The following CCND3 variants were observed in gnomAD, a reference collection of about 807,000 sequenced individuals.
CCND3 encodes cyclin D3, also known as G1/S-specific cyclin-D3.
CCND3 carries 9 observed loss-of-function variants against 28.7 expected under a neutral mutation model. The observed-to-expected ratio is 0.31, with a 90% CI of 0.19 to 0.55. The LOEUF (loss-of-function observed/expected upper bound fraction) is 0.55. Ranked by LOEUF, CCND3 falls within the 20% of genes least tolerant of loss-of-function variation. The probability of loss-of-function intolerance (pLI) is 0.93; values close to 1 mark genes in which losing one functional copy is unlikely to be tolerated. For synonymous variants in CCND3, 164 were observed against 163.9 expected, an observed-to-expected ratio of 1.00 and a Z score of 0.00; for missense variants, 315 against 385.8, an observed-to-expected ratio of 0.82 and a Z score of 1.54.
Position 41,936,124 on chromosome 6 carries a change from A to C in CCND3, c.712-17T>G. 1 of 1,557,336 alleles carries C rather than the reference A, an allele frequency of 6.4e-7. No homozygotes were observed. The stretch of plus-strand genomic sequence containing the variant: ...CAGGCAGTCCTGGGAACATGGGAGA[A>C]GAGTGAGGAGCAAACACTCCCCCCA... On this transcript the variant is annotated splice_polypyrimidine_tract_variant and intron_variant, in intron 4 of 4. Transcript: ENST00000372991. This position sits in a 1 kb window ranked among gnomAD's most constrained non-coding sequence, Gnocchi z 4.4.
chr6:41,990,978 C>T (rs923504973), intron 1 of CCND3, among the ~76,000 whole-genome samples: 1 of 151,674 alleles, frequency 6.6e-6, no homozygotes, highest in Non-Finnish European at 1.5e-5. Context: ...ACTGCCCCGG[C>T]TTAGCCAACT....
At chr6:41,979,533 CAA>C (rs767526428) in intron 1 of CCND3, among the ~76,000 whole-genome samples, 3,365 of 96,922 alleles carry the variant, frequency 0.035, 118 homozygotes, top group African/African-American at 0.12. Context: ...GACTCCACTT[CAA>C]AAAAAAAAAA....
rs2127394789 is a variant in CCND3, at chr6:41,941,276, C to T, written c.198+176G>A. On this transcript the variant is annotated intron_variant, in intron 1 of 4. Coordinates refer to ENST00000372991, the MANE Select transcript of CCND3 (RefSeq NM_001760.5). This position sits in a 1 kb window ranked among gnomAD's most constrained non-coding sequence, Gnocchi z 6.1. ...CACTGTCGGGAGGAGCCGATTAGGG[C>T]TCGGGAAAGCAAGGGAGGCAGCTGG... is the stretch of plus-strand genomic sequence containing the variant. The T allele has an allele frequency of 1.4e-6, 2 of 1,440,198 alleles. No homozygotes were observed. Among genetic ancestry groups the T allele is most frequent in the Non-Finnish European group, 1.8e-6 (2 of 1,100,398 alleles). 89.2% of individuals were successfully genotyped at this position (1,440,198 alleles called of 1,614,324 possible). A position where few individuals can be genotyped will look rare whatever the true frequency, so the allele number is the denominator to read the frequency against.
intron 1 of CCND3, among the ~76,000 whole-genome samples, chr6:41,987,513 CTCTCTGTGTGTGTGTG>C (rs1215403978): frequency 1.7e-4 from 7 of 41,872 alleles, no homozygotes; most frequent in Non-Finnish European, 2.3e-4. Flanking sequence ...CTCTCTCTCT[CTCTCTGTGTGTGTGTG>C]TGTGTGTGTG....
chr6:42,017,477 C>CA (rs1763557506), intron 1 of CCND3, among the ~76,000 whole-genome samples: 1 of 152,220 alleles, frequency 6.6e-6, no homozygotes, highest in African/African-American at 2.4e-5. Context: ...AGATCCACTG[C>CA]AAAAATGTCT....
chr6:42,034,996 C>T (rs980807605), intron 1 of CCND3, among the ~76,000 whole-genome samples: 12 of 152,270 alleles, frequency 7.9e-5, no homozygotes, highest in African/African-American at 2.9e-4. Context: ...GACACCTTTC[C>T]CTATTCTTCA....
intron 1 of CCND3, among the ~76,000 whole-genome samples, chr6:41,966,141 G>A (rs1761880952): frequency 6.6e-6 from 1 of 152,154 alleles, no homozygotes; most frequent in Non-Finnish European, 1.5e-5. Context: ...TACCTAAGAT[G>A]TCCAGTTTAT....
At position 41,936,018 on chromosome 6, in the gene CCND3, G is replaced by A. The variant is rs1237153958; in HGVS notation, c.801C>T (p.Pro267=). The change falls in exon 5 of 5, where the codon CCC becomes CCT. Residue 267 remains proline, a synonymous_variant. Coordinates refer to ENST00000372991, the MANE Select transcript of CCND3 (RefSeq NM_001760.5). The surrounding 1 kb of genome is among the most constrained non-coding windows in gnomAD (Gnocchi z 4.4). The part of the protein sequence containing the change: ...EASQTSSSPA[P]KAPRGSSSQG... ...GGCTGCTGGAGCCCCGGGGGGCTTT[G>A]GGCGCTGGGCTGGAGCTGGTCTGAG... 6.2e-7 allele frequency: 1 copy of A among 1,613,290 alleles called. No homozygotes were observed. Among genetic ancestry groups the A allele is most frequent in the African/African-American group, 1.3e-5 (1 of 74,906 alleles).
intron 1 of CCND3, among the ~76,000 whole-genome samples, chr6:41,972,497 C>G (rs987564313): frequency 7.2e-5 from 11 of 152,074 alleles, no homozygotes; most frequent in Admixed American, 7.2e-4. Context: ...CATCAAGCCC[C>G]GGTTATGTGA....
chr6:42,004,797 A>C, intron 1 of CCND3, among the ~76,000 whole-genome samples: 1 of 152,184 alleles, frequency 6.6e-6, no homozygotes, highest in Non-Finnish European at 1.5e-5. Flanking sequence ...TTTAAAGTGA[A>C]AGGGAGTACC....
Position 42,048,791 on chromosome 6 carries a change from C to A in CCND3, c.-336G>T. 2.3e-6 allele frequency: 1 copy of A among 435,322 alleles called. No homozygotes were observed. The highest frequency in any genetic ancestry group is 4.5e-6 in the Non-Finnish European group (1 of 219,816). The allele number at this position is 435,322 out of a possible 1,614,324, so 27.0% of individuals were successfully genotyped here. ...GTGCTCTGCTCAGCCAAGTTTCGGTCCCCGGCCTGACTCTCCCACCCCCTG... is the reference window on the plus strand; with the variant it reads ...GTGCTCTGCTCAGCCAAGTTTCGGTACCCGGCCTGACTCTCCCACCCCCTG... On this transcript the variant is annotated 5_prime_UTR_variant, in exon 1 of 5. Transcript: ENST00000372988. This position sits in a 1 kb window ranked among gnomAD's most constrained non-coding sequence, Gnocchi z 4.7.
intron 1 of CCND3, among the ~76,000 whole-genome samples, chr6:42,018,098 G>A (rs1030816420): frequency 3.3e-5 from 5 of 151,828 alleles, no homozygotes; most frequent in East Asian, 2.0e-4. Flanking sequence ...GCAGTGAGCC[G>A]AGATCGCACC....
intron 1 of CCND3, among the ~76,000 whole-genome samples, chr6:41,988,525 T>C (rs2127415150): frequency 6.6e-6 from 1 of 152,136 alleles, no homozygotes; most frequent in African/African-American, 2.4e-5. Context: ...CCTTTTTTTC[T>C]AAATGTATTC....
rs150526537 is a variant in CCND3, at chr6:41,941,587, C to A, written c.63G>T (p.Leu21=). The change falls in exon 1 of 5, where the codon CTG becomes CTT. Residue 21 remains leucine, a synonymous_variant. Coordinates refer to ENST00000372991, the MANE Select transcript of CCND3 (RefSeq NM_001760.5). This position sits in a 1 kb window ranked among gnomAD's most constrained non-coding sequence, Gnocchi z 6.1. ...TCTGCAGGACACGCTGGTCCCCCAG[C>A]AGCCGCGGGTCCGGCCCGGCCCGGG... ...HAPRAGPDPR[L]LGDQRVLQSL... is the part of the protein sequence containing the mutation. 1,782 of 1,551,718 alleles carry A rather than the reference C, an allele frequency of 1.1e-3. 2 individuals are homozygous for A. The highest frequency in any genetic ancestry group is 7.4e-3 in the Middle Eastern group (32 of 4,334).
intron 1 of CCND3, among the ~76,000 whole-genome samples, chr6:42,033,304 G>A (rs1182104943): frequency 6.6e-6 from 1 of 151,516 alleles, no homozygotes; most frequent in Non-Finnish European, 1.5e-5. Flanking sequence ...CACAAAGTTA[G>A]CCGAGTGTGA....
chr6:42,049,266 A>C (rs1236011614), upstream of CCND3, among the ~76,000 whole-genome samples: 1 of 151,940 alleles, frequency 6.6e-6, no homozygotes, highest in Non-Finnish European at 1.5e-5. Context: ...CGAACTCCTG[A>C]CCTGAGGTGA....
At chr6:42,034,870 C>T (rs1290770115) in intron 1 of CCND3, among the ~76,000 whole-genome samples, 1 of 152,082 alleles carries the variant, frequency 6.6e-6, no homozygotes, top group African/African-American at 2.4e-5. Context: ...CAGAGCAATC[C>T]TTCCTAGATG....
At chr6:41,951,370 T>C (rs1012020291) in intron 1 of CCND3, among the ~76,000 whole-genome samples, 2 of 151,334 alleles carry the variant, frequency 1.3e-5, no homozygotes, top group Non-Finnish European at 2.9e-5. Context: ...CTGGCCAATA[T>C]GGTGAAACCC....
chr6:42,012,821 A>C (rs1441445210), intron 1 of CCND3, among the ~76,000 whole-genome samples: 1 of 152,342 alleles, frequency 6.6e-6, no homozygotes, highest in South Asian at 2.1e-4. Context: ...AATTGATCCA[A>C]GCTTCTACCA....
Sources: gnomAD v4.1 joint callset for allele counts (sites outside exome capture counted in the v4.1 genomes callset) on GRCh38, gnomAD v4.1.1 for gene constraint, Gnocchi (gnomAD v3.1) non-coding constraint, MANE v1.5 for transcripts, NCBI Gene and HGNC (gene_info 2026-07-23, HGNC 2026-07-21) for gene names.